DCC: variants seen among roughly 807,000 people sequenced by gnomAD.
DCC encodes the protein netrin receptor DCC.
Under a neutral mutation model 172.5 loss-of-function variants are expected in DCC, and 58 were observed. The observed-to-expected ratio is 0.34, with a 90% confidence interval of 0.27 to 0.42. The LOEUF is 0.42. Ranked by LOEUF, DCC falls within the 10% of genes least tolerant of loss-of-function variation. DCC has a pLI of 1.00. For synonymous variants in DCC, 709 were observed against 644.5 expected (o/e 1.10, Z -1.52); for missense variants, 1,740 against 1,791.0 (o/e 0.97, Z 0.51).
Position 52,556,773 on chromosome 18 carries a change from TC to T in DCC, c.92-195277del, listed in dbSNP as rs775842145. 7.9e-5 allele frequency among the ~76,000 whole-genome samples: 12 copies of T among 152,142 alleles called. 1 individual carries two copies. In the East Asian group the frequency reaches 1.4e-3, roughly 17 times the overall value. On this transcript the variant is annotated intron_variant, in intron 1 of 28. Coordinates refer to ENST00000442544, the MANE Select transcript of DCC (RefSeq NM_005215.4). ...TGCACATACTCCCATAAAGGGAGTT[TC>T]CCCAGTGTCAATTGGTGCCGCCGTC...
intron 18 of DCC, 135 bp downstream of exon 18, chr18:53,397,581 T>C: frequency 1.1e-6 from 1 of 923,466 alleles, no homozygotes; most frequent in Middle Eastern, 2.4e-4. Context: ...CTATAGTTCA[T>C]AGCACTTTTA....
intron 23 of DCC, among the ~76,000 whole-genome samples, chr18:53,454,521 G>T (rs2045459952): frequency 6.6e-6 from 1 of 152,098 alleles, no homozygotes; most frequent in Non-Finnish European, 1.5e-5. Context: ...GATCTAGAAC[G>T]CATGGTTATT....
At chr18:52,953,341 C>A (rs1270620102) in intron 5 of DCC, among the ~76,000 whole-genome samples, 1 of 152,150 alleles carries the variant, frequency 6.6e-6, no homozygotes, top group Non-Finnish European at 1.5e-5. Context: ...AGAGCAGTCC[C>A]AAACATGAGA....
At chr18:53,413,012 C>G (rs1467429296) in intron 20 of DCC, among the ~76,000 whole-genome samples, 1 of 152,152 alleles carries the variant, frequency 6.6e-6, no homozygotes, top group Non-Finnish European at 1.5e-5. Flanking sequence ...TCCCCAGGGT[C>G]CCACTGGGAT....
intron 1 of DCC, among the ~76,000 whole-genome samples, chr18:52,521,023 C>T (rs1040733610): frequency 1.3e-5 from 2 of 151,832 alleles, no homozygotes; most frequent in African/African-American, 4.8e-5. Context: ...ATTTTTCAGG[C>T]CAAAAATATA....
At chr18:52,957,807 A>C (rs1436298339) in intron 5 of DCC, among the ~76,000 whole-genome samples, 1 of 152,114 alleles carries the variant, frequency 6.6e-6, no homozygotes, top group Admixed American at 6.6e-5. Flanking sequence ...AAATGATAGA[A>C]AATGAGGTTT....
rs1192500372 is a variant in DCC, at chr18:53,341,777, T to C, written c.2359+1870T>C. On this transcript the variant is annotated intron_variant, in intron 15 of 28. Transcript: ENST00000442544. ...CCCTAAGCTCTAATCTTTATAAAGATAAGGATTTATTCAAGTCCACGTTCA... is the reference window on the plus strand; with the variant it reads ...CCCTAAGCTCTAATCTTTATAAAGACAAGGATTTATTCAAGTCCACGTTCA... Among the ~76,000 whole-genome samples the C allele has an allele frequency of 2.0e-5, 3 of 152,152 alleles. No individual in the cohort carries two copies. The East Asian group carries it at 5.8e-4, about 29-fold the overall frequency.
intron 5 of DCC, among the ~76,000 whole-genome samples, chr18:52,938,571 T>C (rs2040415568): frequency 6.6e-6 from 1 of 152,054 alleles, no homozygotes; most frequent in Admixed American, 6.6e-5. Context: ...AAGAAAAATA[T>C]CAACATTGTA....
intron 3 of DCC, among the ~76,000 whole-genome samples, chr18:52,908,351 A>G (rs1396795128): frequency 6.6e-6 from 1 of 152,224 alleles, no homozygotes; most frequent in Non-Finnish European, 1.5e-5. Flanking sequence ...TCCGCTAGGC[A>G]ATGACAGAAG....
At position 52,900,207 on chromosome 18, in the gene DCC, A is replaced by G. The variant is rs551619412; in HGVS notation, c.413-5837A>G. ...AACACACTGTTACTGAAGAGCTGCA[A>G]ATAGGGTAAAACCTTTACTCTTCCT... On this transcript the variant is annotated intron_variant, in intron 2 of 28. Transcript: ENST00000442544. 2.6e-5 allele frequency among the ~76,000 whole-genome samples: 4 copies of G among 152,330 alleles called. No individual in the cohort carries two copies. In the East Asian group the frequency reaches 7.7e-4, roughly 29 times the overall value.
intron 1 of DCC, among the ~76,000 whole-genome samples, chr18:52,459,125 T>TTCTCTGATAAC (rs1314957835): frequency 6.6e-6 from 1 of 152,186 alleles, no homozygotes; most frequent in East Asian, 1.9e-4. Flanking sequence ...ACCCACAGAA[T>TTCTCTGATAAC]TCTCTGATAA....
intron 1 of DCC, among the ~76,000 whole-genome samples, chr18:52,586,104 A>C (rs1024049433): frequency 4.1e-5 from 6 of 146,308 alleles, no homozygotes; most frequent in East Asian, 3.9e-4. Context: ...AAAAAAAAAA[A>C]AAAACAAAAA....
intron 8 of DCC, among the ~76,000 whole-genome samples, chr18:53,163,632 A>G (rs533064709): frequency 1.3e-5 from 2 of 151,904 alleles, no homozygotes; most frequent in African/African-American, 4.8e-5. Flanking sequence ...GCCATAATTC[A>G]AATCTTTTTA....
intron 1 of DCC, among the ~76,000 whole-genome samples, chr18:52,494,227 A>G (rs9962728): frequency 4.5e-4 from 67 of 150,288 alleles, no homozygotes; most frequent in African/African-American, 1.5e-3. Context: ...TTGGTTTTAG[A>G]TTTTAGCAGT....
chr18:53,344,128 T>C (rs1181321270), intron 15 of DCC, among the ~76,000 whole-genome samples: 1 of 152,064 alleles, frequency 6.6e-6, no homozygotes, highest in Non-Finnish European at 1.5e-5. Flanking sequence ...CTTTCATTTC[T>C]ACTGTTATCT....
chr18:52,442,721 T>G (rs998561650), intron 1 of DCC, among the ~76,000 whole-genome samples: 12 of 152,250 alleles, frequency 7.9e-5, no homozygotes, highest in Admixed American at 3.9e-4. Context: ...TTGTAGATTT[T>G]AATAAGGCTG....
intron 5 of DCC, among the ~76,000 whole-genome samples, chr18:52,974,104 A>G (rs924620170): frequency 6.6e-6 from 1 of 152,210 alleles, no homozygotes; most frequent in Non-Finnish European, 1.5e-5. Context: ...TATATTATAC[A>G]TGTATATAAT....
chr18:53,427,776 G>T (rs58351564), intron 21 of DCC, among the ~76,000 whole-genome samples: 61,038 of 140,926 alleles, frequency 0.43, 14,909 homozygotes, highest in Non-Finnish European at 0.56. Context: ...GTAGAATTCA[G>T]AGGAGTAACC....
chr18:53,302,465 C>T (rs1057232834), intron 12 of DCC, among the ~76,000 whole-genome samples: 1 of 152,172 alleles, frequency 6.6e-6, no homozygotes, highest in Non-Finnish European at 1.5e-5. Context: ...AGTATGTACT[C>T]TTTCGAGTCT....
Sources: gnomAD v4.1 joint callset for allele counts (sites outside exome capture counted in the v4.1 genomes callset) on GRCh38, gnomAD v4.1.1 for gene constraint, MANE v1.5 for transcripts, NCBI Gene and HGNC (gene_info 2026-07-23, HGNC 2026-07-21) for gene names.